Variants in UNC5C observed in about 807,000 individuals in gnomAD.
The protein encoded by UNC5C is netrin receptor UNC5C.
UNC5C carries 47 observed loss-of-function variants against 99.8 expected under a neutral mutation model. The observed-to-expected ratio is 0.47, with a 90% confidence interval of 0.37 to 0.60. The LOEUF (loss-of-function observed/expected upper bound fraction) is 0.60. UNC5C is among the 20% of genes least tolerant of loss of function. UNC5C has a pLI of 0.00. For missense variants in UNC5C, 1,062 were observed against 1,165.9 expected (o/e 0.91, Z 1.30); for synonymous variants, 487 against 452.2 (o/e 1.08, Z -0.98).
intron 2 of UNC5C, among the ~76,000 whole-genome samples, chr4:95,306,022 C>T (rs977596781): frequency 5.3e-5 from 8 of 151,972 alleles, no homozygotes; most frequent in African/African-American, 1.9e-4. Flanking sequence ...ATGCTTAATC[C>T]AATTAAATGA....
chr4:95,406,156 A>G (rs1745824704), intron 1 of UNC5C, among the ~76,000 whole-genome samples: 1 of 152,186 alleles, frequency 6.6e-6, no homozygotes, highest in African/African-American at 2.4e-5. Flanking sequence ...CTTTTATGCT[A>G]GGTAAAGGTA....
At chr4:95,202,324 C>A (rs1189465633) in intron 12 of UNC5C, among the ~76,000 whole-genome samples, 2 of 152,178 alleles carry the variant, frequency 1.3e-5, no homozygotes, top group Non-Finnish European at 2.9e-5. Context: ...CTTCACAGCC[C>A]TCATAAAAAG....
rs746563619 is a variant in UNC5C, at chr4:95,216,166, A to C, written c.1691T>G (p.Val564Gly). 5.6e-6 allele frequency: 9 copies of C among 1,613,510 alleles called. No homozygotes were observed. Among genetic ancestry groups the C allele is most frequent in the Non-Finnish European group, 6.8e-6 (8 of 1,179,926 alleles). Residue 564 changes from valine to glycine, a missense_variant, in exon 10 of 16, where the codon GTC becomes GGC. Val to Gly is a moderately radical substitution (Grantham distance 109). This residue lies in a region of UNC5C where 810 missense variants were observed against 854.5 expected (regional missense o/e 0.95). Coordinates refer to ENST00000453304, the MANE Select transcript of UNC5C (RefSeq NM_003728.4). The part of the protein sequence containing the change: ...IPAGAIPQGR[V>G]YEMYVTVHRK... ...GTGTACAGTCACATACATTTCGTAG[A>C]CTCTCCCTTGGGGAATGGCCCCAGC...
intron 1 of UNC5C, among the ~76,000 whole-genome samples, chr4:95,400,367 C>T (rs923662833): frequency 2.7e-5 from 4 of 149,350 alleles, no homozygotes; most frequent in East Asian, 4.0e-4. Flanking sequence ...AGTTCCACAG[C>T]CACAGTGAGA....
chr4:95,192,252 C>A (rs1346599719), intron 12 of UNC5C, among the ~76,000 whole-genome samples: 1 of 142,268 alleles, frequency 7.0e-6, no homozygotes, highest in East Asian at 2.3e-4. Flanking sequence ...CCCCTGTTCA[C>A]CCTCCTTTCC....
At chr4:95,253,297 T>G (rs1243277246) in intron 4 of UNC5C, among the ~76,000 whole-genome samples, 1 of 152,114 alleles carries the variant, frequency 6.6e-6, no homozygotes, top group African/African-American at 2.4e-5. Flanking sequence ...ATAAACAACA[T>G]AAAGAAGTCC....
At chr4:95,206,259 A>T (rs1737872597) in intron 11 of UNC5C, among the ~76,000 whole-genome samples, 1 of 151,890 alleles carries the variant, frequency 6.6e-6, no homozygotes, top group Non-Finnish European at 1.5e-5. Context: ...TTGGCCTCCC[A>T]AAGTGCTGGG....
At chr4:95,409,257 C>G (rs1560822487) in intron 1 of UNC5C, among the ~76,000 whole-genome samples, 1 of 152,058 alleles carries the variant, frequency 6.6e-6, no homozygotes, top group Non-Finnish European at 1.5e-5. Context: ...CTTCTTTGCT[C>G]TTTGTTTATC....
Position 95,202,460 on chromosome 4 carries a change from G to T in UNC5C, c.2136+271C>A, listed in dbSNP as rs375651405. Reference sequence around the variant, plus strand: ...GGAAGCAGATTATTTACCATCCACGGGTCTCGTTGCCAAATTCTTCTAAAT... The same window carrying T: ...GGAAGCAGATTATTTACCATCCACGTGTCTCGTTGCCAAATTCTTCTAAAT... On this transcript the variant is annotated intron_variant, in intron 12 of 15. Coordinates refer to ENST00000453304, the MANE Select transcript of UNC5C (RefSeq NM_003728.4). 3.3e-5 allele frequency among the ~76,000 whole-genome samples: 5 copies of T among 152,270 alleles called. No homozygotes were observed. In the East Asian group the frequency reaches 5.8e-4, roughly 18 times the overall value.
intron 4 of UNC5C, among the ~76,000 whole-genome samples, chr4:95,265,436 G>A (rs1740408429): frequency 6.6e-6 from 1 of 152,084 alleles, no homozygotes; most frequent in Admixed American, 6.6e-5. Context: ...AATCATTAAT[G>A]GATGCTGGAG....
At chr4:95,437,570 A>C (rs976798750) in intron 1 of UNC5C, among the ~76,000 whole-genome samples, 3 of 152,074 alleles carry the variant, frequency 2.0e-5, no homozygotes, top group Non-Finnish European at 4.4e-5. Flanking sequence ...ATGCATATAC[A>C]TGATAAAATA....
intron 7 of UNC5C, among the ~76,000 whole-genome samples, chr4:95,232,185 T>C (rs1397000099): frequency 2.0e-5 from 3 of 151,436 alleles, no homozygotes; most frequent in Admixed American, 6.6e-5. Context: ...TTTATATGTG[T>C]TATATAAACT....
chr4:95,406,762 G>A (rs1251096402), intron 1 of UNC5C, among the ~76,000 whole-genome samples: 3 of 152,062 alleles, frequency 2.0e-5, no homozygotes, highest in South Asian at 2.1e-4. Flanking sequence ...TATGCTTCTG[G>A]AGAATTAAAT....
intron 1 of UNC5C, among the ~76,000 whole-genome samples, chr4:95,424,518 CT>C (rs536039867): frequency 0.029 from 1,944 of 67,964 alleles, 36 homozygotes; most frequent in African/African-American, 0.1. Context: ...TTTTTCTTTT[CT>C]TTTTTTTTTT....
At chr4:95,450,547 T>A (rs1436432248) in intron 1 of UNC5C, among the ~76,000 whole-genome samples, 1 of 152,226 alleles carries the variant, frequency 6.6e-6, no homozygotes, top group Non-Finnish European at 1.5e-5. Context: ...GGTTTTGAAC[T>A]GCACTGTGAA....
chr4:95,264,754 G>C (rs1467197943), intron 4 of UNC5C, among the ~76,000 whole-genome samples: 1 of 152,104 alleles, frequency 6.6e-6, no homozygotes, highest in Non-Finnish European at 1.5e-5. Flanking sequence ...CACTTTCAAA[G>C]GTGATCAGTG....
At chr4:95,171,872 C>T (rs1257305845) in intron 14 of UNC5C, among the ~76,000 whole-genome samples, 1 of 152,046 alleles carries the variant, frequency 6.6e-6, no homozygotes, top group African/African-American at 2.4e-5. Context: ...AAAAGTGTTC[C>T]TGTTTCTCCA....
intron 4 of UNC5C, among the ~76,000 whole-genome samples, chr4:95,266,345 G>A (rs958861011): frequency 6.6e-6 from 1 of 152,160 alleles, no homozygotes; most frequent in Admixed American, 6.5e-5. Context: ...CAACAGTGAG[G>A]TCATTCAATT....
At chr4:95,301,578 C>A in intron 3 of UNC5C, 28 bp downstream of exon 3, 1 of 1,613,182 alleles carries the variant, frequency 6.2e-7, no homozygotes, top group Non-Finnish European at 8.5e-7. Context: ...CTTCTGAGAC[C>A]CAAGGTGCTT....
Sources: allele counts gnomAD v4.1 joint callset (sites outside exome capture counted in the v4.1 genomes callset), GRCh38; gene constraint gnomAD v4.1.1; regional missense constraint gnomAD v4.1.1; transcripts MANE v1.5; gene names NCBI Gene and HGNC (gene_info 2026-07-23, HGNC 2026-07-21).